The following DPP10 variants were observed in gnomAD, a reference collection of about 807,000 sequenced individuals.
DPP10 encodes the protein dipeptidyl peptidase like 10, also known as inactive dipeptidyl peptidase 10.
In DPP10, 33 loss-of-function variants were observed where a neutral mutation model predicts 120.9. That is an observed-to-expected ratio of 0.27 (90% CI 0.21 to 0.37). DPP10 has a LOEUF of 0.37. DPP10 is among the 10% of genes least tolerant of loss of function. The probability of loss-of-function intolerance (pLI) is 1.00; values close to 1 mark genes in which losing one functional copy is unlikely to be tolerated. For missense variants in DPP10, 816 were observed against 942.8 expected, an observed-to-expected ratio of 0.87 and a Z score of 1.76; for synonymous variants, 337 against 326.1, an observed-to-expected ratio of 1.03 and a Z score of -0.36.
At chr2:114,722,926 A>C (rs1032981000) in intron 1 of DPP10, among the ~76,000 whole-genome samples, 3 of 152,118 alleles carry the variant, frequency 2.0e-5, no homozygotes, top group Admixed American at 6.5e-5. Context: ...AAACTGGGTA[A>C]GAAAAAAAAA....
chr2:115,261,588 G>C (rs2059252116), intron 1 of DPP10, among the ~76,000 whole-genome samples: 1 of 152,190 alleles, frequency 6.6e-6, no homozygotes, highest in Non-Finnish European at 1.5e-5. Context: ...ATGTGCTGGA[G>C]AGGACAAGGG....
At chr2:115,660,702 G>T (rs1244171610) in intron 5 of DPP10, among the ~76,000 whole-genome samples, 2 of 21,384 alleles carry the variant, frequency 9.4e-5, no homozygotes, top group African/African-American at 1.2e-4. Context: ...TTTCTTAATT[G>T]CATTGCATGG....
At chr2:114,751,947 G>A (rs894883554) in intron 1 of DPP10, among the ~76,000 whole-genome samples, 3 of 152,162 alleles carry the variant, frequency 2.0e-5, no homozygotes, top group African/African-American at 7.2e-5. Flanking sequence ...TCTGGCATGG[G>A]GCCTAAGACA....
intron 10 of DPP10, among the ~76,000 whole-genome samples, chr2:115,752,129 A>C (rs1008666979): frequency 6.6e-6 from 1 of 152,164 alleles, no homozygotes; most frequent in Non-Finnish European, 1.5e-5. Flanking sequence ...AATACAGTAC[A>C]TTGATGACAC....
intron 3 of DPP10, among the ~76,000 whole-genome samples, chr2:115,470,973 C>T (rs911138398): frequency 2.0e-5 from 3 of 152,136 alleles, no homozygotes; most frequent in Non-Finnish European, 4.4e-5. Flanking sequence ...AACTTTTTCT[C>T]TTTTGCCTTG....
At chr2:115,611,594 G>T (rs544212125) in intron 5 of DPP10, among the ~76,000 whole-genome samples, 1 of 152,194 alleles carries the variant, frequency 6.6e-6, no homozygotes, top group South Asian at 2.1e-4. Flanking sequence ...TATGGTTCTG[G>T]ATTTCCTCCG....
chr2:114,565,901 A>G (rs548731685), intron 1 of DPP10, among the ~76,000 whole-genome samples: 72 of 152,334 alleles, frequency 4.7e-4, no homozygotes, highest in East Asian at 2.3e-3. Context: ...TCATTCATTC[A>G]TTCAATGTAT....
chr2:114,967,785 T>C (rs547257173), intron 1 of DPP10, among the ~76,000 whole-genome samples: 1 of 149,128 alleles, frequency 6.7e-6, no homozygotes, highest in Non-Finnish European at 1.5e-5. Context: ...TTATTTAACA[T>C]TATCATTATC....
chr2:114,963,100 C>T (rs1012928241), intron 1 of DPP10, among the ~76,000 whole-genome samples: 1 of 152,160 alleles, frequency 6.6e-6, no homozygotes, highest in Non-Finnish European at 1.5e-5. Context: ...AAACAAAATT[C>T]ATGGATTATC....
intron 7 of DPP10, among the ~76,000 whole-genome samples, chr2:115,713,140 T>A (rs535120415): frequency 2.0e-5 from 3 of 151,750 alleles, no homozygotes; most frequent in African/African-American, 4.8e-5. Flanking sequence ...GTAAAAAAAA[T>A]TAAAAAAATA....
At chr2:115,628,768 CATTT>C (rs1057446058) in intron 5 of DPP10, among the ~76,000 whole-genome samples, 1 of 151,468 alleles carries the variant, frequency 6.6e-6, no homozygotes, top group Non-Finnish European at 1.5e-5. Flanking sequence ...ATTTATTTTA[CATTT>C]ATTTATTTAT....
intron 1 of DPP10, among the ~76,000 whole-genome samples, chr2:114,790,663 A>G (rs1683161084): frequency 6.6e-6 from 1 of 151,828 alleles, no homozygotes; most frequent in African/African-American, 2.4e-5. Flanking sequence ...TCTGGCGGGC[A>G]GGAGTGGGGG....
chr2:115,189,596 T>A (rs1193865512), intron 1 of DPP10, among the ~76,000 whole-genome samples: 2 of 152,212 alleles, frequency 1.3e-5, no homozygotes, highest in Non-Finnish European at 2.9e-5. Context: ...ATCCCCCATC[T>A]TGAATTTTTT....
At chr2:114,872,369 A>G (rs777285685) in intron 1 of DPP10, among the ~76,000 whole-genome samples, 3 of 152,152 alleles carry the variant, frequency 2.0e-5, no homozygotes, top group Non-Finnish European at 4.4e-5. Flanking sequence ...GAACACCCCC[A>G]TGATCGAAAT....
At chr2:114,646,745 C>A (rs529971111) in intron 1 of DPP10, among the ~76,000 whole-genome samples, 1 of 152,122 alleles carries the variant, frequency 6.6e-6, no homozygotes, top group Non-Finnish European at 1.5e-5. Flanking sequence ...TTGAATGAGT[C>A]TGGTTGTTCT....
intron 5 of DPP10, among the ~76,000 whole-genome samples, chr2:115,623,203 C>T (rs2085104627): frequency 1.3e-5 from 2 of 151,914 alleles, no homozygotes; most frequent in Non-Finnish European, 2.9e-5. Flanking sequence ...AGAGTTGAAC[C>T]ACAGAGACAA....
chr2:115,386,358 T>C (rs1256221919), intron 3 of DPP10, among the ~76,000 whole-genome samples: 1 of 152,114 alleles, frequency 6.6e-6, no homozygotes, highest in African/African-American at 2.4e-5. Context: ...AACAGAACTT[T>C]ATTGACACAT....
intron 1 of DPP10, among the ~76,000 whole-genome samples, chr2:115,038,459 G>A (rs12328790): frequency 0.13 from 19,896 of 151,176 alleles, 1,331 homozygotes; most frequent in African/African-American, 0.16. Flanking sequence ...ACAGATTTTT[G>A]GTAGAGAAGG....
At chr2:114,625,490 T>A (rs1024574411) in intron 1 of DPP10, among the ~76,000 whole-genome samples, 1 of 152,032 alleles carries the variant, frequency 6.6e-6, no homozygotes, top group South Asian at 2.1e-4. Flanking sequence ...TTTAATTCTA[T>A]CATTTCTTCT....
Sources: gnomAD v4.1 joint callset for allele counts (sites outside exome capture counted in the v4.1 genomes callset) on GRCh38, gnomAD v4.1.1 for gene constraint, MANE v1.5 for transcripts, NCBI Gene and HGNC (gene_info 2026-07-23, HGNC 2026-07-21) for gene names.